OPCML: variants seen among roughly 807,000 people sequenced by gnomAD.
The protein encoded by OPCML is opioid binding protein/cell adhesion molecule like.
Under a neutral mutation model 37.8 loss-of-function variants are expected in OPCML, and 13 were observed. The observed-to-expected ratio is 0.34, with a 90% CI of 0.22 to 0.55. The LOEUF (loss-of-function observed/expected upper bound fraction) is 0.55, where lower values mean the gene tolerates loss of function less well. OPCML is among the 20% of genes least tolerant of loss of function. OPCML has a pLI of 0.91. For synonymous variants in OPCML, 176 were observed against 168.8 expected, an observed-to-expected ratio of 1.04 and a Z score of -0.33; for missense variants, 341 against 435.6, an observed-to-expected ratio of 0.78 and a Z score of 1.93.
intron 1 of OPCML, among the ~76,000 whole-genome samples, chr11:133,465,245 C>T (rs185882304): frequency 6.6e-6 from 1 of 152,322 alleles, no homozygotes; most frequent in East Asian, 1.9e-4. Context: ...AACTCTGCTT[C>T]TGTTCACAGG....
chr11:133,278,660 C>A (rs1325033802), intron 1 of OPCML, among the ~76,000 whole-genome samples: 1 of 151,786 alleles, frequency 6.6e-6, no homozygotes, highest in Non-Finnish European at 1.5e-5. Context: ...TAGTAGAAAG[C>A]CCAATTTTAG....
intron 1 of OPCML, among the ~76,000 whole-genome samples, chr11:133,198,548 G>T (rs780447377): frequency 6.6e-6 from 1 of 152,230 alleles, no homozygotes; most frequent in Non-Finnish European, 1.5e-5. Flanking sequence ...GGAACTAGAT[G>T]GACATGAAGA....
In OPCML at chr11:132,606,561, C is replaced by T. The variant is rs1209890523; in HGVS notation, c.379+50526G>A. ...GACCCAGGAGGGCTGCCACCACCCCCGTCTCCCACCTCCACTTTCTGTCTC... is the reference window on the plus strand; with the variant it reads ...GACCCAGGAGGGCTGCCACCACCCCTGTCTCCCACCTCCACTTTCTGTCTC... On this transcript the variant is annotated intron_variant, in intron 3 of 7. Coordinates refer to ENST00000524381, the MANE Select transcript of OPCML (RefSeq NM_001012393.5). 6.6e-5 allele frequency among the ~76,000 whole-genome samples: 10 copies of T among 152,054 alleles called. No individual in the cohort carries two copies. In the South Asian group the frequency reaches 1.0e-3, roughly 16 times the overall value.
chr11:133,147,933 C>G (rs1412970347), intron 1 of OPCML, among the ~76,000 whole-genome samples: 1 of 152,174 alleles, frequency 6.6e-6, no homozygotes, highest in Non-Finnish European at 1.5e-5. Flanking sequence ...AGTTGTTACT[C>G]AGCGAACGCT....
At chr11:132,964,868 C>T (rs1423499898) in intron 1 of OPCML, among the ~76,000 whole-genome samples, 3 of 152,114 alleles carry the variant, frequency 2.0e-5, no homozygotes, top group South Asian at 2.1e-4. Context: ...AACTGAGGCT[C>T]AGAAAGTTTA....
chr11:133,325,483 C>T (rs1376964683), intron 1 of OPCML, among the ~76,000 whole-genome samples: 10 of 152,102 alleles, frequency 6.6e-5, no homozygotes, highest in African/African-American at 1.2e-4. Flanking sequence ...GTAATTTTAA[C>T]GCCTATCAAA....
intron 1 of OPCML, among the ~76,000 whole-genome samples, chr11:133,410,340 C>A (rs1592273847): frequency 6.6e-6 from 1 of 152,258 alleles, no homozygotes; most frequent in East Asian, 1.9e-4. Context: ...ATACTCCCAT[C>A]TCCATAAGGT....
In OPCML at chr11:132,420,129, C is replaced by T. The variant is rs896392294; in HGVS notation, c.*64G>A. ...GAAGCCCAAGCTGGTTTGCTCTCCGCAGTGTAGATTAAAGTCTGTGATATG... is the reference window on the plus strand; with the variant it reads ...GAAGCCCAAGCTGGTTTGCTCTCCGTAGTGTAGATTAAAGTCTGTGATATG... On this transcript the variant is annotated 3_prime_UTR_variant, in exon 8 of 8. Coordinates refer to ENST00000524381, the MANE Select transcript of OPCML (RefSeq NM_001012393.5). The T allele has an allele frequency of 7.2e-7, 1 of 1,397,608 alleles. No individual in the cohort carries two copies. The highest frequency in any genetic ancestry group is 1.0e-6 in the Non-Finnish European group (1 of 991,446). The allele number at this position is 1,397,608 out of a possible 1,614,324, so 86.6% of individuals were successfully genotyped here.
intron 1 of OPCML, among the ~76,000 whole-genome samples, chr11:133,102,378 T>C (rs1949095654): frequency 6.6e-6 from 1 of 152,174 alleles, no homozygotes; most frequent in Admixed American, 6.5e-5. Context: ...AACAACTCCA[T>C]CAGGGCTAAG....
chr11:133,305,756 C>T (rs1942899445), intron 1 of OPCML, among the ~76,000 whole-genome samples: 1 of 152,170 alleles, frequency 6.6e-6, no homozygotes, highest in African/African-American at 2.4e-5. Flanking sequence ...CAGGCGTTCC[C>T]TCAGAGCAGA....
At chr11:132,745,636 C>A (rs983819319) in intron 2 of OPCML, among the ~76,000 whole-genome samples, 1 of 150,884 alleles carries the variant, frequency 6.6e-6, no homozygotes, top group African/African-American at 2.4e-5. Flanking sequence ...TAAGCTTTCT[C>A]TCTTTCTTGA....
At chr11:133,039,048 T>G (rs1402728555) in intron 1 of OPCML, among the ~76,000 whole-genome samples, 1 of 152,210 alleles carries the variant, frequency 6.6e-6, no homozygotes, top group Non-Finnish European at 1.5e-5. Context: ...CCACTTCCTA[T>G]GCTGGCTGGG....
At chr11:133,308,533 A>G (rs114263780) in intron 1 of OPCML, among the ~76,000 whole-genome samples, 1 of 152,078 alleles carries the variant, frequency 6.6e-6, no homozygotes, top group Non-Finnish European at 1.5e-5. Flanking sequence ...TATACTGCAG[A>G]TATATGGAAA....
chr11:132,993,181 T>A lies in OPCML; in HGVS notation c.62-50171A>T, dbSNP rs564899692. Reference sequence around the variant, plus strand: ...CCTTAGTGCAGCTCCAGGACGTGCATGTCTATGTACGTAGGTATCTGCCCA... The same window carrying A: ...CCTTAGTGCAGCTCCAGGACGTGCAAGTCTATGTACGTAGGTATCTGCCCA... On this transcript the variant is annotated intron_variant, in intron 1 of 7. Coordinates refer to ENST00000524381, the MANE Select transcript of OPCML (RefSeq NM_001012393.5). Among the ~76,000 whole-genome samples, 9 of 152,296 alleles carry A rather than the reference T, an allele frequency of 5.9e-5. 1 individual carries two copies. In the South Asian group the frequency reaches 1.5e-3, roughly 25 times the overall value.
At chr11:133,213,259 CA>C (rs1402571259) in intron 1 of OPCML, among the ~76,000 whole-genome samples, 8 of 139,110 alleles carry the variant, frequency 5.8e-5, no homozygotes, top group Non-Finnish European at 9.2e-5. Flanking sequence ...TGTTGCTCAT[CA>C]TGTTTAAATT....
At chr11:132,946,451 G>A (rs373631990) in intron 1 of OPCML, among the ~76,000 whole-genome samples, 1 of 152,196 alleles carries the variant, frequency 6.6e-6, no homozygotes, top group South Asian at 2.1e-4. Flanking sequence ...CATGGGACCG[G>A]CAGCATAGTA....
At position 132,418,759 on chromosome 11, in the gene OPCML, A is replaced by AAT. The variant is rs1460946671; in HGVS notation, c.*1433_*1434insAT. 6.6e-6 allele frequency: 1 copy of AAT among 152,452 alleles called. No individual in the cohort carries two copies. Among genetic ancestry groups the AAT allele is most frequent in the Non-Finnish European group, 1.5e-5 (1 of 68,058 alleles). 9.4% of individuals were successfully genotyped at this position (152,452 alleles called of 1,614,324 possible). On this transcript the variant is annotated 3_prime_UTR_variant, in exon 8 of 8. Coordinates refer to ENST00000524381, the MANE Select transcript of OPCML (RefSeq NM_001012393.5). The stretch of plus-strand genomic sequence containing the variant: ...GGGTGGACTCTTCACTTTGCATTGC[A>AAT]GAGACAGATGTGTTTTTCTCTCAAG...
At chr11:132,576,683 T>C (rs1417243475) in intron 3 of OPCML, among the ~76,000 whole-genome samples, 3 of 152,160 alleles carry the variant, frequency 2.0e-5, no homozygotes, top group Non-Finnish European at 4.4e-5. Flanking sequence ...TCATTTTCCT[T>C]GACTCTTTAT....
In OPCML at chr11:133,229,921, C is replaced by T. The variant is rs568808594; in HGVS notation, c.62-286911G>A. Reference sequence around the variant, plus strand: ...TGTGGATGTACATGTGGCGTGAATACATCATTTGTTGTCTAATAAGCTCTA... The same window carrying T: ...TGTGGATGTACATGTGGCGTGAATATATCATTTGTTGTCTAATAAGCTCTA... On this transcript the variant is annotated intron_variant, in intron 1 of 7. Transcript: ENST00000524381. Among the ~76,000 whole-genome samples the T allele has an allele frequency of 3.9e-5, 6 of 152,292 alleles. No individual in the cohort carries two copies. In the South Asian group the frequency reaches 6.2e-4, roughly 16 times the overall value.
Sources: allele counts gnomAD v4.1 joint callset (sites outside exome capture counted in the v4.1 genomes callset), GRCh38; gene constraint gnomAD v4.1.1; transcripts MANE v1.5; gene names NCBI Gene and HGNC (gene_info 2026-07-23, HGNC 2026-07-21).